Variants in DIS3L2 observed in about 807,000 individuals in gnomAD.
The protein encoded by DIS3L2 is DIS3 like 3'-5' exoribonuclease 2, also known as DIS3-like exonuclease 2.
DIS3L2 carries 34 observed loss-of-function variants against 97.5 expected under a neutral mutation model. That is an observed-to-expected ratio of 0.35 (90% CI 0.27 to 0.46). DIS3L2 has a LOEUF of 0.46. DIS3L2 is among the 20% of genes least tolerant of loss of function. DIS3L2 has a pLI of 1.00. For synonymous variants in DIS3L2, 435 were observed against 445.2 expected, an observed-to-expected ratio of 0.98 and a Z score of 0.29; for missense variants, 1,038 against 1,146.0, an observed-to-expected ratio of 0.91 and a Z score of 1.36.
chr2:232,328,278 C>T (rs780713678), intron 14 of DIS3L2, among the ~76,000 whole-genome samples: 6 of 152,222 alleles, frequency 3.9e-5, no homozygotes, highest in Non-Finnish European at 5.9e-5. Flanking sequence ...AAAAAAGTCC[C>T]CACTAGTCCC....
intron 5 of DIS3L2, among the ~76,000 whole-genome samples, chr2:232,038,379 A>G (rs1364353627): frequency 2.0e-5 from 3 of 152,188 alleles, no homozygotes; most frequent in East Asian, 3.9e-4. Context: ...AAACAGAAGA[A>G]TGGTTAGCAA....
chr2:232,220,290 T>C (rs1450847391), intron 10 of DIS3L2, among the ~76,000 whole-genome samples: 2 of 150,384 alleles, frequency 1.3e-5, no homozygotes, highest in Non-Finnish European at 3.0e-5. Context: ...GGCTGGGCAA[T>C]ACAGTGAGGC....
intron 13 of DIS3L2, among the ~76,000 whole-genome samples, chr2:232,274,874 T>C (rs952820079): frequency 1.3e-5 from 2 of 152,260 alleles, no homozygotes; most frequent in African/African-American, 4.8e-5. Flanking sequence ...TCTTTTACGT[T>C]GACTTGGTTG....
intron 9 of DIS3L2, among the ~76,000 whole-genome samples, chr2:232,170,785 G>A (rs1407504195): frequency 6.6e-6 from 1 of 152,146 alleles, no homozygotes; most frequent in East Asian, 1.9e-4. Context: ...AAAGGGGGTT[G>A]TGGTAAGAAA....
intron 12 of DIS3L2, among the ~76,000 whole-genome samples, chr2:232,257,401 C>A (rs987147922): frequency 4.6e-5 from 7 of 152,166 alleles, no homozygotes; most frequent in Non-Finnish European, 1.0e-4. Flanking sequence ...CAGACACTTG[C>A]TTCTTGGCAC....
intron 1 of DIS3L2, among the ~76,000 whole-genome samples, chr2:232,005,718 C>A (rs1694035414): frequency 6.6e-6 from 1 of 152,104 alleles, no homozygotes; most frequent in South Asian, 2.1e-4. Context: ...TAATTGTTAA[C>A]CCAATTTGTT....
intron 1 of DIS3L2, among the ~76,000 whole-genome samples, chr2:231,975,704 CAAAAAAAAAA>C (rs34710079): frequency 3.6e-5 from 2 of 55,406 alleles, no homozygotes; most frequent in Admixed American, 2.3e-4. Context: ...GACTCCGCCT[CAAAAAAAAAA>C]AAAAAAAAAA....
At chr2:232,235,501 T>C (rs1223308595) in intron 10 of DIS3L2, among the ~76,000 whole-genome samples, 1 of 152,234 alleles carries the variant, frequency 6.6e-6, no homozygotes, top group Non-Finnish European at 1.5e-5. Context: ...GAGGCTCTGC[T>C]GGGAATTCTG....
At chr2:232,219,111 A>T (rs889083394) in intron 10 of DIS3L2, among the ~76,000 whole-genome samples, 7 of 152,184 alleles carry the variant, frequency 4.6e-5, no homozygotes, top group African/African-American at 1.7e-4. Flanking sequence ...ATCGCCTTCT[A>T]AGAACAACAT....
intron 8 of DIS3L2, among the ~76,000 whole-genome samples, chr2:232,156,178 C>T (rs1364319179): frequency 6.6e-6 from 1 of 152,160 alleles, no homozygotes; most frequent in Non-Finnish European, 1.5e-5. Context: ...AGATTTTACT[C>T]TATGATCCTT....
chr2:232,090,072 G>A (rs1286570713), intron 6 of DIS3L2, among the ~76,000 whole-genome samples: 1 of 152,088 alleles, frequency 6.6e-6, no homozygotes, highest in Non-Finnish European at 1.5e-5. Context: ...TGGGACTAAA[G>A]TGTGCACCAC....
intron 5 of DIS3L2, among the ~76,000 whole-genome samples, chr2:232,078,869 C>A (rs1472941918): frequency 1.3e-5 from 2 of 152,146 alleles, no homozygotes; most frequent in African/African-American, 4.8e-5. Context: ...CTTGTCTGGG[C>A]AGGCAGGAGG....
chr2:232,166,115 T>TAAATAAAA (rs1426321045), intron 9 of DIS3L2, among the ~76,000 whole-genome samples: 268 of 141,298 alleles, frequency 1.9e-3, no homozygotes, highest in Middle Eastern at 0.015. Context: ...AATAAATAAA[T>TAAATAAAA]AAAATATTAG....
At chr2:232,108,419 A>G (rs970055436) in intron 6 of DIS3L2, among the ~76,000 whole-genome samples, 1 of 152,196 alleles carries the variant, frequency 6.6e-6, no homozygotes, top group African/African-American at 2.4e-5. Context: ...AGCTAATATC[A>G]TACAGAATGG....
chr2:232,224,112 G>C (rs1157551977), intron 10 of DIS3L2, among the ~76,000 whole-genome samples: 2 of 152,160 alleles, frequency 1.3e-5, no homozygotes, highest in Non-Finnish European at 2.9e-5. Context: ...ATTGTAGTAA[G>C]GGTTATGCTG....
chr2:232,317,608 T>C (rs1695311151), intron 14 of DIS3L2, among the ~76,000 whole-genome samples: 1 of 152,012 alleles, frequency 6.6e-6, no homozygotes, highest in South Asian at 2.1e-4. Context: ...GGCTAATTTT[T>C]GTATTTTTAG....
intron 6 of DIS3L2, among the ~76,000 whole-genome samples, chr2:232,114,449 A>G (rs1174391832): frequency 6.6e-6 from 1 of 152,182 alleles, no homozygotes; most frequent in Non-Finnish European, 1.5e-5. Context: ...TAAAAAAATA[A>G]AAGACCAAGG....
intron 14 of DIS3L2, among the ~76,000 whole-genome samples, chr2:232,308,752 C>G (rs898903564): frequency 6.6e-6 from 1 of 152,178 alleles, no homozygotes; most frequent in African/African-American, 2.4e-5. Context: ...CACCTGAGCA[C>G]ATAGTTCTTT....
intron 5 of DIS3L2, among the ~76,000 whole-genome samples, chr2:232,082,176 T>TC (rs1403910897): frequency 2.6e-5 from 4 of 152,190 alleles, no homozygotes; most frequent in Non-Finnish European, 5.9e-5. Flanking sequence ...AATGATCTTT[T>TC]CCCCCCATAC....
Sources: gnomAD v4.1 joint callset for allele counts (sites outside exome capture counted in the v4.1 genomes callset) on GRCh38, gnomAD v4.1.1 for gene constraint, MANE v1.5 for transcripts, NCBI Gene and HGNC (gene_info 2026-07-23, HGNC 2026-07-21) for gene names.